The following ADAMTSL3 variants were observed in gnomAD, a reference collection of about 807,000 sequenced individuals.
ADAMTSL3 encodes ADAMTS-like protein 3.
In ADAMTSL3, 128 loss-of-function variants were observed where a neutral mutation model predicts 201.7. The ratio of observed to expected loss-of-function variants is 0.63; its 90% CI spans 0.55 to 0.73. The LOEUF (loss-of-function observed/expected upper bound fraction) is 0.73. ADAMTSL3 is among the 30% of genes least tolerant of loss of function. The probability of loss-of-function intolerance (pLI) is 0.00; values close to 1 mark genes in which losing one functional copy is unlikely to be tolerated. For missense variants in ADAMTSL3, 1,990 were observed against 2,119.6 expected, an observed-to-expected ratio of 0.94 and a Z score of 1.20; for synonymous variants, 738 against 748.4, an observed-to-expected ratio of 0.99 and a Z score of 0.23.
intron 9 of ADAMTSL3, among the ~76,000 whole-genome samples, chr15:83,882,230 C>T (rs78582839): frequency 6.6e-6 from 1 of 152,134 alleles, no homozygotes; most frequent in Non-Finnish European, 1.5e-5. Context: ...TATTTATTCT[C>T]ATTGGGGAGA....
intron 2 of ADAMTSL3, among the ~76,000 whole-genome samples, chr15:83,664,355 A>G (rs1386467926): frequency 2.6e-5 from 4 of 151,750 alleles, no homozygotes; most frequent in African/African-American, 9.7e-5. Context: ...CTCTTCAATG[A>G]GCTGCAGACC....
At chr15:84,030,945 C>T (rs2068398184) in intron 27 of ADAMTSL3, among the ~76,000 whole-genome samples, 1 of 152,202 alleles carries the variant, frequency 6.6e-6, no homozygotes, top group Non-Finnish European at 1.5e-5. Context: ...CACTTCTCCT[C>T]TTTGCCGCTT....
intron 2 of ADAMTSL3, among the ~76,000 whole-genome samples, chr15:83,697,918 G>A (rs1011932193): frequency 1.1e-4 from 16 of 152,152 alleles, no homozygotes; most frequent in Admixed American, 9.8e-4. Context: ...CCCATCCTGA[G>A]GCTATCCAGG....
chr15:83,891,982 A>C (rs945239402), intron 12 of ADAMTSL3, among the ~76,000 whole-genome samples: 4 of 152,172 alleles, frequency 2.6e-5, no homozygotes, highest in Non-Finnish European at 5.9e-5. Context: ...TGGGAGGCTA[A>C]GGCAGGCGGA....
chr15:83,879,921 G>A (rs1280083611), intron 9 of ADAMTSL3, among the ~76,000 whole-genome samples: 1 of 152,168 alleles, frequency 6.6e-6, no homozygotes, highest in African/African-American at 2.4e-5. Flanking sequence ...TGACCCTTCT[G>A]TTATTATAAA....
chr15:83,962,079 C>T (rs972268510), intron 19 of ADAMTSL3: 1 of 152,092 alleles, frequency 6.6e-6, no homozygotes, highest in Non-Finnish European at 1.5e-5. Context: ...ATACTGTTCT[C>T]GTGGTGGTAA....
intron 3 of ADAMTSL3, among the ~76,000 whole-genome samples, chr15:83,707,378 G>A (rs1264263956): frequency 1.3e-5 from 2 of 152,158 alleles, no homozygotes; most frequent in Admixed American, 6.5e-5. Flanking sequence ...ATATGCTTAT[G>A]CTAAAAGAAA....
intron 17 of ADAMTSL3, among the ~76,000 whole-genome samples, chr15:83,929,955 C>T (rs2066325653): frequency 6.6e-6 from 1 of 152,162 alleles, no homozygotes. Context: ...TTAATTCTCT[C>T]CCATAAAAGT....
At chr15:83,788,968 C>A (rs925296264) in intron 4 of ADAMTSL3, among the ~76,000 whole-genome samples, 8 of 152,066 alleles carry the variant, frequency 5.3e-5, no homozygotes, top group Admixed American at 3.9e-4. Flanking sequence ...TGCCACCATG[C>A]CTGGCTAATT....
intron 4 of ADAMTSL3, among the ~76,000 whole-genome samples, chr15:83,801,653 T>TAAATAA (rs1555445600): frequency 2.9e-5 from 1 of 34,006 alleles, no homozygotes; most frequent in African/African-American, 8.5e-5. Context: ...TAAATATAAA[T>TAAATAA]ATATATATAT....
intron 23 of ADAMTSL3, among the ~76,000 whole-genome samples, chr15:84,004,072 G>A (rs888413405): frequency 2.0e-5 from 3 of 152,206 alleles, no homozygotes; most frequent in Non-Finnish European, 4.4e-5. Context: ...CATAGGACCT[G>A]TGTAGAATTT....
chr15:83,988,437 TG>T (rs1350338953), intron 21 of ADAMTSL3, among the ~76,000 whole-genome samples: 2 of 152,168 alleles, frequency 1.3e-5, no homozygotes, highest in Non-Finnish European at 2.9e-5. Context: ...TCATGTAAAG[TG>T]GGATGGGAAG....
intron 27 of ADAMTSL3, among the ~76,000 whole-genome samples, chr15:84,026,824 G>C (rs925493418): frequency 6.6e-6 from 1 of 151,890 alleles, no homozygotes; most frequent in African/African-American, 2.4e-5. Flanking sequence ...AAAACTATTG[G>C]AAAAAAATAT....
At chr15:83,819,263 CA>C (rs397932701) in intron 5 of ADAMTSL3, among the ~76,000 whole-genome samples, 2,228 of 76,464 alleles carry the variant, frequency 0.029, 27 homozygotes, top group African/African-American at 0.085. Flanking sequence ...CACTCCGTCT[CA>C]AAAAAAAAAA....
At chr15:83,881,661 C>T (rs1393078512) in intron 9 of ADAMTSL3, among the ~76,000 whole-genome samples, 2 of 150,722 alleles carry the variant, frequency 1.3e-5, no homozygotes, top group African/African-American at 2.4e-5. Context: ...TTGAGACCAG[C>T]CTAGCTGACA....
At chr15:84,036,729 C>G in intron 28 of ADAMTSL3, 44 bp from the exon 29 acceptor site, 1 of 1,520,778 alleles carries the variant, frequency 6.6e-7, no homozygotes, top group Admixed American at 2.0e-5. Context: ...CACCCTGCCT[C>G]TCCTATTTTT....
chr15:83,951,811 G>C (rs1403373174), intron 19 of ADAMTSL3, among the ~76,000 whole-genome samples: 1 of 152,030 alleles, frequency 6.6e-6, no homozygotes, highest in African/African-American at 2.4e-5. Context: ...AATTGCCATA[G>C]TAGCAACTAA....
intron 17 of ADAMTSL3, among the ~76,000 whole-genome samples, chr15:83,936,422 C>A (rs768160769): frequency 6.6e-6 from 1 of 150,830 alleles, no homozygotes; most frequent in Non-Finnish European, 1.5e-5. Context: ...TCAGGAAAAA[C>A]AGAATTCTTA....
chr15:83,755,491 C>A (rs1318761478), intron 3 of ADAMTSL3, among the ~76,000 whole-genome samples: 2 of 152,186 alleles, frequency 1.3e-5, no homozygotes, highest in Non-Finnish European at 2.9e-5. Context: ...ACCCTAGGCA[C>A]TTCATAAGTG....
Sources: gnomAD v4.1 joint callset for allele counts (sites outside exome capture counted in the v4.1 genomes callset) on GRCh38, gnomAD v4.1.1 for gene constraint, MANE v1.5 for transcripts, NCBI Gene and HGNC (gene_info 2026-07-23, HGNC 2026-07-21) for gene names.